KCNT2: variants seen among roughly 807,000 people sequenced by gnomAD.
The protein encoded by KCNT2 is potassium channel subfamily T member 2.
A neutral mutation model predicts 153.8 loss-of-function variants in KCNT2; 67 were observed. The ratio of observed to expected loss-of-function variants is 0.44; its 90% CI spans 0.36 to 0.53. KCNT2 has a LOEUF of 0.53. Ranked by LOEUF, KCNT2 falls within the 20% of genes least tolerant of loss-of-function variation. The pLI, the probability that KCNT2 is intolerant of heterozygous loss-of-function variation, is 0.00. For synonymous variants in KCNT2, 500 were observed against 458.8 expected (o/e 1.09, Z -1.15); for missense variants, 975 against 1,354.8 (o/e 0.72, Z 4.40).
At chr1:196,357,671 C>T (rs781651555) in intron 14 of KCNT2, among the ~76,000 whole-genome samples, 4 of 151,776 alleles carry the variant, frequency 2.6e-5, no homozygotes, top group Non-Finnish European at 4.4e-5. Flanking sequence ...CATTTTGTTG[C>T]AATGGATGGC....
At chr1:196,561,201 G>A (rs560369227) in intron 1 of KCNT2, among the ~76,000 whole-genome samples, 1 of 151,348 alleles carries the variant, frequency 6.6e-6, no homozygotes, top group African/African-American at 2.4e-5. Context: ...ATATATCAGG[G>A]CATCACATTA....
Position 196,570,067 on chromosome 1 carries a change from T to TAAAAAA in KCNT2, c.95+38142_95+38147dup, listed in dbSNP as rs199836975. Among the ~76,000 whole-genome samples the TAAAAAA allele has an allele frequency of 1.7e-3, 232 of 133,660 alleles. 11 individuals are homozygous for TAAAAAA. The highest frequency in any genetic ancestry group is 7.7e-3 in the African/African-American group (211 of 27,484). The allele number at this position is 133,660 out of a possible 152,430, so 87.7% of individuals were successfully genotyped here. On this transcript the variant is annotated intron_variant, in intron 1 of 27. Transcript: ENST00000294725. ...TGAGTCCAGGAAGCTTGAGCTAGAGTAAAAAAAAAAAAAAAAAAAAAAAAA... is the reference window on the plus strand; with the variant it reads ...TGAGTCCAGGAAGCTTGAGCTAGAGTAAAAAAAAAAAAAAAAAAAAAAAAAAAAAAA...
intron 1 of KCNT2, among the ~76,000 whole-genome samples, chr1:196,540,126 T>C (rs755397800): frequency 1.3e-5 from 2 of 152,204 alleles, no homozygotes; most frequent in Non-Finnish European, 2.9e-5. Context: ...TATGCTGTTG[T>C]TGAGTAAAAG....
At chr1:196,466,958 C>T (rs562609193) in intron 7 of KCNT2, among the ~76,000 whole-genome samples, 1 of 152,002 alleles carries the variant, frequency 6.6e-6, no homozygotes, top group South Asian at 2.1e-4. Context: ...TTTTATTCTA[C>T]CTCTTGCTTC....
At chr1:196,350,594 T>A (rs1336407474) in intron 14 of KCNT2, among the ~76,000 whole-genome samples, 1 of 152,224 alleles carries the variant, frequency 6.6e-6, no homozygotes, top group East Asian at 1.9e-4. Context: ...TTGTAGATTC[T>A]GGATATTAGC....
intron 22 of KCNT2, among the ~76,000 whole-genome samples, chr1:196,290,101 T>C (rs1412297405): frequency 6.6e-6 from 1 of 151,938 alleles, no homozygotes; most frequent in East Asian, 1.9e-4. Flanking sequence ...AAAAAAAAAA[T>C]CAAGAATTTT....
chr1:196,433,866 A>G (rs1261350393), intron 8 of KCNT2, among the ~76,000 whole-genome samples: 2 of 152,074 alleles, frequency 1.3e-5, no homozygotes, highest in Non-Finnish European at 2.9e-5. Context: ...GTAGCTGGGT[A>G]GGTACACAGG....
intron 26 of KCNT2, among the ~76,000 whole-genome samples, chr1:196,250,722 A>G (rs1655887977): frequency 6.6e-6 from 1 of 152,186 alleles, no homozygotes; most frequent in Admixed American, 6.5e-5. Flanking sequence ...CAAACTGTGT[A>G]TCTGACAAGT....
intron 14 of KCNT2, among the ~76,000 whole-genome samples, chr1:196,361,450 G>GT (rs1397651502): frequency 2.0e-5 from 3 of 152,188 alleles, no homozygotes; most frequent in Middle Eastern, 3.4e-3. Context: ...GCTCTGTGAA[G>GT]TAGTAAGTAG....
chr1:196,320,926 T>A (rs1663245361), intron 19 of KCNT2, among the ~76,000 whole-genome samples: 1 of 151,740 alleles, frequency 6.6e-6, no homozygotes. Context: ...TTGCAGTACC[T>A]TGCTATCGTA....
At chr1:196,451,350 T>C (rs1676167207) in intron 8 of KCNT2, among the ~76,000 whole-genome samples, 1 of 147,454 alleles carries the variant, frequency 6.8e-6, no homozygotes, top group Admixed American at 6.8e-5. Context: ...AGGCAATTCT[T>C]ATGCCCCAGC....
At chr1:196,257,418 C>T (rs532942774) in intron 26 of KCNT2, 126 of 970,268 alleles carry the variant, frequency 1.3e-4, no homozygotes, top group African/African-American at 3.5e-4. Context: ...TGATTCTTAA[C>T]TTGCATGATA....
intron 22 of KCNT2, among the ~76,000 whole-genome samples, chr1:196,287,991 T>C (rs776142025): frequency 5.9e-5 from 9 of 152,056 alleles, no homozygotes; most frequent in Non-Finnish European, 1.3e-4. Flanking sequence ...CTTATTCTTT[T>C]AGTAGAAAAG....
intron 22 of KCNT2, among the ~76,000 whole-genome samples, chr1:196,291,774 CTT>C (rs1337657668): frequency 2.0e-5 from 3 of 152,126 alleles, no homozygotes; most frequent in Non-Finnish European, 4.4e-5. Context: ...GCACTTCCGA[CTT>C]ATTTTAAATT....
intron 25 of KCNT2, among the ~76,000 whole-genome samples, chr1:196,263,912 C>G (rs1657269453): frequency 6.6e-6 from 1 of 151,896 alleles, no homozygotes; most frequent in Admixed American, 6.6e-5. Context: ...ACATTTACAC[C>G]TCTTTGATGA....
chr1:196,359,620 A>G (rs1232581560), intron 14 of KCNT2, among the ~76,000 whole-genome samples: 1 of 152,038 alleles, frequency 6.6e-6, no homozygotes, highest in African/African-American at 2.4e-5. Flanking sequence ...TGAAATTACA[A>G]CCTCATAAGT....
intron 1 of KCNT2, among the ~76,000 whole-genome samples, chr1:196,544,624 CTGGAAACAAAT>C (rs767804926): frequency 1.3e-5 from 2 of 152,126 alleles, no homozygotes; most frequent in Non-Finnish European, 2.9e-5. Context: ...GACTTGGAAA[CTGGAAACAAAT>C]TGATTTGAAA....
intron 1 of KCNT2, among the ~76,000 whole-genome samples, chr1:196,516,472 T>C (rs1682065152): frequency 6.6e-6 from 1 of 152,158 alleles, no homozygotes; most frequent in South Asian, 2.1e-4. Flanking sequence ...CTGGCAGCAG[T>C]CCCAAACCTC....
At chr1:196,404,121 G>A in intron 12 of KCNT2, 5 of 972,312 alleles carry the variant, frequency 5.1e-6, no homozygotes, top group Non-Finnish European at 6.1e-6. Flanking sequence ...CAGCTTCTCT[G>A]TCTCACTTAC....
Sources: allele counts gnomAD v4.1 joint callset (sites outside exome capture counted in the v4.1 genomes callset), GRCh38; gene constraint gnomAD v4.1.1; transcripts MANE v1.5; gene names NCBI Gene and HGNC (gene_info 2026-07-23, HGNC 2026-07-21).